The following TMEM232 variants were observed in gnomAD, a reference collection of about 807,000 sequenced individuals.
TMEM232 encodes the protein transmembrane protein 232.
A neutral mutation model predicts 78.8 loss-of-function variants in TMEM232; 80 were observed. That is an observed-to-expected ratio of 1.01 (90% CI 0.85 to 1.22). The LOEUF is 1.22. Among genes scored for constraint, TMEM232 ranks in the 50% most tolerant of loss-of-function variants. The pLI, the probability that TMEM232 is intolerant of heterozygous loss-of-function variation, is 0.00. For synonymous variants in TMEM232, 297 were observed against 254.3 expected (o/e 1.17, Z -1.60); for missense variants, 881 against 742.2 (o/e 1.19, Z -2.17).
chr5:110,525,083 T>C (rs9326800), intron 12 of TMEM232, among the ~76,000 whole-genome samples: 2,833 of 151,924 alleles, frequency 0.019, 104 homozygotes, highest in African/African-American at 0.066. Context: ...ATAAAACTGC[T>C]TAATAATAAA....
chr5:110,671,652 A>T (rs1270177509), intron 1 of TMEM232, among the ~76,000 whole-genome samples: 1 of 152,178 alleles, frequency 6.6e-6, no homozygotes, highest in Non-Finnish European at 1.5e-5. Context: ...CAGGAACAGA[A>T]CCAAACATTG....
intron 2 of TMEM232, among the ~76,000 whole-genome samples, chr5:110,398,441 T>A (rs1333071767): frequency 1.3e-5 from 2 of 152,174 alleles, no homozygotes; most frequent in Admixed American, 6.6e-5. Context: ...TGCCCAAAAG[T>A]GCTCCAGGTT....
intron 9 of TMEM232, 57 bp from the exon 10 acceptor site, chr5:110,605,415 T>C (rs1781424004): frequency 1.4e-6 from 2 of 1,468,374 alleles, no homozygotes; most frequent in East Asian, 5.0e-5. Flanking sequence ...TATCAATAAC[T>C]ACACAGTGTA....
intron 1 of TMEM232, among the ~76,000 whole-genome samples, chr5:110,698,089 A>T (rs1298362154): frequency 5.3e-5 from 8 of 152,238 alleles, no homozygotes; most frequent in Admixed American, 5.2e-4. Context: ...CATATATACC[A>T]TGGAATACTA....
At chr5:110,558,506 A>G (rs1262736369) in intron 11 of TMEM232, among the ~76,000 whole-genome samples, 3 of 152,046 alleles carry the variant, frequency 2.0e-5, no homozygotes, top group Non-Finnish European at 2.9e-5. Flanking sequence ...GCCTCAGGGA[A>G]GCACCTCAGT....
At chr5:110,679,187 C>T (rs374530812) in intron 1 of TMEM232, among the ~76,000 whole-genome samples, 3 of 152,090 alleles carry the variant, frequency 2.0e-5, no homozygotes, top group African/African-American at 7.2e-5. Flanking sequence ...CTTGCCCGGA[C>T]GTGGTGTTGT....
intron 12 of TMEM232, among the ~76,000 whole-genome samples, chr5:110,486,742 G>A (rs1384339352): frequency 1.3e-5 from 2 of 152,098 alleles, no homozygotes; most frequent in Non-Finnish European, 2.9e-5. Flanking sequence ...TTGAAATCAG[G>A]TAGTGTGATG....
Position 110,605,181 on chromosome 5 carries a change from C to A in TMEM232, c.1204G>T (p.Val402Leu), listed in dbSNP as rs1263692681. ...CTTGTTTCCTTTAATTCTGGAGGTA[C>A]TGATTTGTCCAAGTATAAAATATTT... is the stretch of plus-strand genomic sequence containing the variant. Reference protein sequence around the residue: ...QKNILYLDKSVPPELKETSIL... With the variant: ...QKNILYLDKSLPPELKETSIL... The change falls in exon 10 of 14, where the codon GTA (valine) becomes TTA (leucine). Residue 402 changes from valine to leucine, a missense_variant. Transcript: ENST00000455884. 2 of 1,550,766 alleles carry A rather than the reference C, an allele frequency of 1.3e-6. No homozygotes were observed. The highest frequency in any genetic ancestry group is 2.5e-5 in the East Asian group (1 of 40,798).
chr5:110,597,457 C>A (rs1248585053), intron 10 of TMEM232, among the ~76,000 whole-genome samples: 1 of 152,108 alleles, frequency 6.6e-6, no homozygotes, highest in Non-Finnish European at 1.5e-5. Flanking sequence ...TTTATAGATT[C>A]AATGCCATCC....
At chr5:110,686,906 G>A (rs77566292) in intron 1 of TMEM232, among the ~76,000 whole-genome samples, 4,825 of 152,214 alleles carry the variant, frequency 0.032, 210 homozygotes, top group African/African-American at 0.099. Flanking sequence ...GGCCTCCCCT[G>A]ACTTCAGGTT....
intron 10 of TMEM232, among the ~76,000 whole-genome samples, chr5:110,587,246 C>G (rs1266131279): frequency 1.3e-5 from 2 of 151,772 alleles, no homozygotes; most frequent in Non-Finnish European, 2.9e-5. Context: ...CAGGTTAACA[C>G]AAAAACAGCA....
intron 1 of TMEM232, among the ~76,000 whole-genome samples, chr5:110,676,835 C>T (rs921239953): frequency 1.5e-4 from 23 of 151,790 alleles, no homozygotes; most frequent in Non-Finnish European, 2.4e-4. Context: ...TTCGGCTCAT[C>T]GCAACCTCCA....
At chr5:110,508,966 GTA>G (rs1172918650) in intron 12 of TMEM232, among the ~76,000 whole-genome samples, 5 of 124,500 alleles carry the variant, frequency 4.0e-5, no homozygotes, top group Admixed American at 8.4e-5. Context: ...GTGTATATAT[GTA>G]TATATATAAA....
At chr5:110,432,373 C>A (rs1206607318) in intron 12 of TMEM232, among the ~76,000 whole-genome samples, 2 of 151,640 alleles carry the variant, frequency 1.3e-5, no homozygotes, top group African/African-American at 2.4e-5. Context: ...AATTTCAAAT[C>A]CTGCCAAACC....
At chr5:110,595,774 T>C (rs181484202) in intron 10 of TMEM232, among the ~76,000 whole-genome samples, 1 of 151,956 alleles carries the variant, frequency 6.6e-6, no homozygotes, top group Non-Finnish European at 1.5e-5. Context: ...TGTGGGACCA[T>C]GTGGAAAGAC....
intron 1 of TMEM232, among the ~76,000 whole-genome samples, chr5:110,674,627 T>A (rs2150157013): frequency 6.6e-6 from 1 of 152,350 alleles, no homozygotes; most frequent in South Asian, 2.1e-4. Flanking sequence ...TAATATTTCA[T>A]CTGTTGGCTG....
chr5:110,502,411 A>G (rs1265863743), intron 12 of TMEM232, among the ~76,000 whole-genome samples: 1 of 152,238 alleles, frequency 6.6e-6, no homozygotes, highest in African/African-American at 2.4e-5. Flanking sequence ...GGAATTTTCA[A>G]TAATTAGTAT....
At chr5:110,546,787 T>C (rs868638925) in intron 11 of TMEM232, among the ~76,000 whole-genome samples, 3 of 152,160 alleles carry the variant, frequency 2.0e-5, no homozygotes, top group African/African-American at 7.2e-5. Context: ...AGGTTTTATA[T>C]AGTTTATACC....
At chr5:110,397,228 C>T (rs1207130693) in intron 3 of TMEM232, among the ~76,000 whole-genome samples, 1 of 152,050 alleles carries the variant, frequency 6.6e-6, no homozygotes, top group Non-Finnish European at 1.5e-5. Context: ...ACTCTTAGTT[C>T]CTCAAGACTA....
Sources: allele counts gnomAD v4.1 joint callset (sites outside exome capture counted in the v4.1 genomes callset), GRCh38; gene constraint gnomAD v4.1.1; transcripts MANE v1.5; gene names NCBI Gene and HGNC (gene_info 2026-07-23, HGNC 2026-07-21).